The following LAMB1 variants were observed in gnomAD, a reference collection of about 807,000 sequenced individuals.
LAMB1 encodes laminin subunit beta 1.
LAMB1 carries 121 observed loss-of-function variants against 222.3 expected under a neutral mutation model. That is an observed-to-expected ratio of 0.54 (90% CI 0.47 to 0.63). The LOEUF is 0.63. Ranked by LOEUF, LAMB1 falls within the 30% of genes least tolerant of loss-of-function variation. The probability of loss-of-function intolerance (pLI) is 0.00; values close to 1 mark genes in which losing one functional copy is unlikely to be tolerated. For synonymous variants in LAMB1, 794 were observed against 807.2 expected, an observed-to-expected ratio of 0.98 and a Z score of 0.28; for missense variants, 2,172 against 2,240.8, an observed-to-expected ratio of 0.97 and a Z score of 0.62.
chr7:107,984,529 T>C (rs1223300337), intron 7 of LAMB1, among the ~76,000 whole-genome samples: 2 of 152,122 alleles, frequency 1.3e-5, no homozygotes, highest in East Asian at 3.9e-4. Context: ...GATTACGGAG[T>C]GAGCCTCCAC....
rs1396779006 is a variant in LAMB1 at position 107,961,259 on chromosome 7, G to A, written c.2056C>T (p.Gln686Ter). ...TNYTVRLELP[Q>*]YTSSDSDVES... ...ACGTCGCTATCAGAGGAGGTGTACT[G>A]AGGCAGCTCCAACCTCACCGTGTAG... The change falls in exon 17 of 34, where the codon CAG (glutamine) becomes TAG (stop). Residue 686 changes from glutamine (Q) to a stop codon, truncating the protein, a stop_gained. Transcript: ENST00000222399. LOFTEE classifies it high-confidence loss of function. 6.2e-7 allele frequency: 1 copy of A among 1,613,954 alleles called. No individual in the cohort carries two copies. The highest frequency in any genetic ancestry group is 1.3e-5 in the African/African-American group (1 of 74,890).
chr7:107,964,483 C>T, intron 14 of LAMB1, 69 bp downstream of exon 14: 1 of 1,579,006 alleles, frequency 6.3e-7, no homozygotes. Flanking sequence ...GGGGTCTTTA[C>T]AAAGCATGTA....
rs552501992 is a variant in LAMB1 at position 107,933,373 on chromosome 7, T to G, written c.4189-996A>C. ...TTTTTAAATAAATACAATCAACTAT[T>G]TAGCCTAATAATTTTAAGATAATTA... On this transcript the variant is annotated intron_variant, in intron 27 of 33. Transcript: ENST00000222399. 7.9e-5 allele frequency among the ~76,000 whole-genome samples: 12 copies of G among 152,294 alleles called. No individual in the cohort carries two copies. In the South Asian group the frequency reaches 2.5e-3, roughly 32 times the overall value.
intron 27 of LAMB1, chr7:107,932,662 A>G (rs576135852): frequency 1.4e-5 from 6 of 441,862 alleles, no homozygotes; most frequent in East Asian, 3.9e-5. Context: ...AACATCTGCT[A>G]TATCAAGTTG....
intron 23 of LAMB1, 123 bp from the exon 24 acceptor site, chr7:107,951,445 C>A: frequency 1.2e-6 from 1 of 806,140 alleles, no homozygotes. Flanking sequence ...TCTCCATTGA[C>A]TAGGAAAAGG....
At chr7:107,928,272 CTA>C (rs1290465930) in intron 31 of LAMB1, among the ~76,000 whole-genome samples, 1 of 152,118 alleles carries the variant, frequency 6.6e-6, no homozygotes, top group African/African-American at 2.4e-5. Flanking sequence ...GATTGTTTAG[CTA>C]TAAGTGCTCT....
intron 9 of LAMB1, 128 bp from the exon 10 acceptor site, chr7:107,976,005 A>T: frequency 1.4e-6 from 1 of 708,444 alleles, no homozygotes; most frequent in Non-Finnish European, 2.3e-6. Flanking sequence ...AACAAGCAGG[A>T]CTCCTGGGGA....
rs537944193 is a variant in LAMB1 at position 108,003,075 on chromosome 7, G to A, written c.-87+36C>T. 9.7e-4 allele frequency: 1,297 copies of A among 1,340,054 alleles called. 2 individuals carry two copies. Among genetic ancestry groups the A allele is most frequent in the Non-Finnish European group, 1.2e-3 (1,216 of 1,014,930 alleles). The allele number at this position is 1,340,054 out of a possible 1,614,324, so 83.0% of individuals were successfully genotyped here. A position where few individuals can be genotyped will look rare whatever the true frequency, so the allele number is the denominator to read the frequency against. Reference sequence around the variant, plus strand: ...ACGGAAGCGGGGGGTGGGCTGGAAAGTGGGGAAAATCGTGCAGCCACTTTG... The same window carrying A: ...ACGGAAGCGGGGGGTGGGCTGGAAAATGGGGAAAATCGTGCAGCCACTTTG... On this transcript the variant is annotated intron_variant, in intron 1 of 33. Coordinates refer to ENST00000222399, the MANE Select transcript of LAMB1 (RefSeq NM_002291.3).
chr7:107,990,300 C>T (rs2034158416), intron 5 of LAMB1, among the ~76,000 whole-genome samples: 1 of 152,040 alleles, frequency 6.6e-6, no homozygotes, highest in Non-Finnish European at 1.5e-5. Flanking sequence ...TCAGCACCCC[C>T]AAGTGTTGGG....
Position 107,939,969 on chromosome 7 carries a change from C to G in LAMB1, c.3761+20G>C, listed in dbSNP as rs546172221. The G allele has an allele frequency of 6.2e-7, 1 of 1,604,568 alleles. No homozygotes were observed. The highest frequency in any genetic ancestry group is 1.1e-5 in the South Asian group (1 of 90,524). Reference sequence around the variant, plus strand: ...TTTTTCAGCTTTATGAGTAATTCCTCTGGCTCATTAACTACTTACTCTGCT... The same window carrying G: ...TTTTTCAGCTTTATGAGTAATTCCTGTGGCTCATTAACTACTTACTCTGCT... On this transcript the variant is annotated intron_variant, in intron 25 of 33. Transcript: ENST00000222399.
chr7:107,950,134 G>C (rs1001000567), intron 24 of LAMB1, among the ~76,000 whole-genome samples: 1 of 152,116 alleles, frequency 6.6e-6, no homozygotes, highest in African/African-American at 2.4e-5. Flanking sequence ...GGAGGCTGAG[G>C]CAGGAGAATC....
At chr7:107,959,590 T>A (rs765249592) in intron 19 of LAMB1, 101 bp downstream of exon 19, 1 of 1,611,152 alleles carries the variant, frequency 6.2e-7, no homozygotes, top group Non-Finnish European at 8.5e-7. Flanking sequence ...GTTGGTGTGA[T>A]CAACTTCAGG....
chr7:107,964,431 A>G lies in LAMB1; in HGVS notation c.1698+121T>C, dbSNP rs142874944. 4.6e-3 allele frequency: 5,331 copies of G among 1,163,956 alleles called. 74 individuals are homozygous for G. Among genetic ancestry groups the G allele is most frequent in the Non-Finnish European group, 3.1e-3 (2,478 of 799,184 alleles). The allele number at this position is 1,163,956 out of a possible 1,614,324, so 72.1% of individuals were successfully genotyped here. ...TCAGGAAGGCATGGTCCTGATCCTT[A>G]TTTTGTGCTCACTGACAAAGCTATA... On this transcript the variant is annotated intron_variant, in intron 14 of 33. Coordinates refer to ENST00000222399, the MANE Select transcript of LAMB1 (RefSeq NM_002291.3).
chr7:107,973,064 T>A lies in LAMB1; in HGVS notation c.1490A>T (p.His497Leu), dbSNP rs201671821. The change falls in exon 13 of 34, where the codon CAC becomes CTC. Residue 497 changes from histidine to leucine, a missense_variant. Coordinates refer to ENST00000222399, the MANE Select transcript of LAMB1 (RefSeq NM_002291.3). ...ATCCAAATCATTGCTTAAGCCCCAG[T>A]GCTCTGGCTGCAGAACAAAACGTGA... ...GQHCDQCLPEHWGLSNDLDGC... is the reference protein window; with the variant it reads ...GQHCDQCLPELWGLSNDLDGC... The A allele has an allele frequency of 6.2e-7, 1 of 1,613,748 alleles. No homozygotes were observed. The highest frequency in any genetic ancestry group is 1.7e-5 in the Admixed American group (1 of 60,026).
In LAMB1 at chr7:107,953,597, C is replaced by T. The variant is rs113725211; in HGVS notation, c.3012G>A (p.Thr1004=). The change falls in exon 22 of 34, where the codon ACG becomes ACA. Residue 1004 remains threonine (T), a synonymous_variant. Transcript: ENST00000222399. Reference sequence around the variant, plus strand: ...GGCAGAACTGACAGTGTTCCCCTTCCGTGTGGTACAGGCACTTGAGACACC... The same window carrying T: ...GGCAGAACTGACAGTGTTCCCCTTCTGTGTGGTACAGGCACTTGAGACACC... ...TGRCLKCLYH[T]EGEHCQFCRF... is the part of the protein sequence containing the mutation. 8.4e-4 allele frequency: 1,352 copies of T among 1,614,182 alleles called. 8 individuals carry two copies. In the African/African-American group the frequency reaches 0.016, roughly 19 times the overall value.
chr7:107,986,722 A>G (rs567986977), intron 5 of LAMB1, among the ~76,000 whole-genome samples: 16 of 152,336 alleles, frequency 1.1e-4, no homozygotes, highest in African/African-American at 3.8e-4. Flanking sequence ...TCATTCGTTC[A>G]TTTAATCATT....
At chr7:107,995,217 C>T (rs1294390426) in intron 4 of LAMB1, among the ~76,000 whole-genome samples, 1 of 152,214 alleles carries the variant, frequency 6.6e-6, no homozygotes, top group East Asian at 1.9e-4. Flanking sequence ...TGGAACAAGA[C>T]ATCTGGCAGA....
intron 22 of LAMB1, among the ~76,000 whole-genome samples, chr7:107,952,463 T>A (rs752450960): frequency 1.3e-5 from 2 of 152,250 alleles, no homozygotes; most frequent in Admixed American, 6.5e-5. Context: ...CACCTAAAAG[T>A]ATGTTCAAAA....
intron 24 of LAMB1, among the ~76,000 whole-genome samples, chr7:107,941,471 C>T (rs2032979783): frequency 1.3e-5 from 2 of 152,148 alleles, no homozygotes; most frequent in South Asian, 2.1e-4. Context: ...AACCATTTTT[C>T]GTTTTTCAGC....
Sources: gnomAD v4.1 joint callset for allele counts (sites outside exome capture counted in the v4.1 genomes callset) on GRCh38, gnomAD v4.1.1 for gene constraint, MANE v1.5 for transcripts, NCBI Gene and HGNC (gene_info 2026-07-23, HGNC 2026-07-21) for gene names.